Variants in DNAH14 observed in about 807,000 individuals in gnomAD.
DNAH14 encodes dynein axonemal heavy chain 14, also known as axonemal beta dynein heavy chain 14.
A neutral mutation model predicts 520.9 loss-of-function variants in DNAH14; 478 were observed. The observed-to-expected ratio is 0.92, with a 90% CI of 0.85 to 0.99. The LOEUF (loss-of-function observed/expected upper bound fraction) is 0.99. Ranked by LOEUF, DNAH14 falls within the 50% of genes least tolerant of loss-of-function variation. DNAH14 has a pLI of 0.00. For synonymous variants in DNAH14, 1,581 were observed against 1,757.2 expected (o/e 0.90, Z 2.51); for missense variants, 4,831 against 5,234.5 (o/e 0.92, Z 2.38).
chr1:225,040,192 G>A (rs1316394005), intron 12 of DNAH14, among the ~76,000 whole-genome samples: 2 of 151,974 alleles, frequency 1.3e-5, no homozygotes, highest in Non-Finnish European at 2.9e-5. Flanking sequence ...GCCCGCCTCG[G>A]CCTCCCGAAG....
chr1:225,044,221 A>T (rs992952311), intron 15 of DNAH14, among the ~76,000 whole-genome samples: 4 of 152,086 alleles, frequency 2.6e-5, no homozygotes, highest in Admixed American at 2.6e-4. Flanking sequence ...CAAGGTTTGG[A>T]TTTTTTCAGT....
rs1348095696 is a variant in DNAH14, at chr1:225,140,749, C to T, written c.4255-19C>T. On this transcript the variant is annotated intron_variant, in intron 27 of 85. Transcript: ENST00000682510. ...TATATAGAGAGAGATATATATATAA[C>T]ATTATCTTACTTTTTCAGAGCCAGA... The T allele has an allele frequency of 3.4e-6, 5 of 1,453,090 alleles. No homozygotes were observed. In the African/African-American group the frequency reaches 4.2e-5, roughly 12 times the overall value. 90.0% of individuals were successfully genotyped at this position (1,453,090 alleles called of 1,614,324 possible).
intron 7 of DNAH14, among the ~76,000 whole-genome samples, chr1:224,971,780 G>T (rs1156537929): frequency 6.6e-6 from 1 of 152,142 alleles, no homozygotes; most frequent in Admixed American, 6.5e-5. Flanking sequence ...GGTGTTCCTG[G>T]AATGAAGTTG....
At chr1:224,964,450 T>C in intron 4 of DNAH14, 29 bp from the exon 5 acceptor site, 3 of 1,583,730 alleles carry the variant, frequency 1.9e-6, no homozygotes, top group Non-Finnish European at 2.6e-6. Context: ...TTTGCACTTA[T>C]ACTGGATTTT....
At chr1:225,223,851 A>G (rs141880352) in intron 41 of DNAH14, among the ~76,000 whole-genome samples, 4,018 of 152,258 alleles carry the variant, frequency 0.026, 157 homozygotes, top group African/African-American at 0.08. Context: ...CTTTGCTCCC[A>G]AGTAGAAAAG....
intron 21 of DNAH14, among the ~76,000 whole-genome samples, chr1:225,087,303 ATAAC>A (rs2073931166): frequency 6.6e-6 from 1 of 152,216 alleles, no homozygotes; most frequent in Non-Finnish European, 1.5e-5. Context: ...AATTCCCACA[ATAAC>A]TAATCCACCC....
intron 54 of DNAH14, among the ~76,000 whole-genome samples, chr1:225,282,343 T>A (rs2093644924): frequency 6.6e-6 from 1 of 152,206 alleles, no homozygotes; most frequent in Non-Finnish European, 1.5e-5. Context: ...ATCAGGCCCC[T>A]TCTTCTATAC....
intron 76 of DNAH14, among the ~76,000 whole-genome samples, chr1:225,365,798 AG>A (rs1315883033): frequency 6.7e-6 from 1 of 150,248 alleles, no homozygotes; most frequent in Non-Finnish European, 1.5e-5. Flanking sequence ...TACTGGGGGT[AG>A]GGGAATGAAG....
intron 54 of DNAH14, among the ~76,000 whole-genome samples, chr1:225,287,308 T>A (rs945131265): frequency 2.0e-5 from 3 of 152,132 alleles, no homozygotes; most frequent in African/African-American, 7.2e-5. Flanking sequence ...TGACACAAAC[T>A]CACTGAAGAG....
At chr1:225,238,350 G>A (rs1015742649) in intron 42 of DNAH14, among the ~76,000 whole-genome samples, 1 of 151,862 alleles carries the variant, frequency 6.6e-6, no homozygotes, top group Non-Finnish European at 1.5e-5. Flanking sequence ...TTTTCTTTTA[G>A]AGTCAGACCA....
chr1:225,145,323 C>T lies in DNAH14; in HGVS notation c.4741-3C>T. ...AAGATACTAAAATATTTTTGTTTCC[C>T]AGTCCTTAGGCAAACATTGTGTGGT... On this transcript the variant is annotated splice_polypyrimidine_tract_variant and splice_region_variant and intron_variant, in intron 29 of 85. Transcript: ENST00000682510. The T allele has an allele frequency of 5.2e-6, 8 of 1,542,320 alleles. No homozygotes were observed. The highest frequency in any genetic ancestry group is 7.0e-6 in the Non-Finnish European group (8 of 1,142,980).
At chr1:224,968,484 G>A (rs1272336542) in intron 6 of DNAH14, among the ~76,000 whole-genome samples, 1 of 152,130 alleles carries the variant, frequency 6.6e-6, no homozygotes, top group Admixed American at 6.5e-5. Flanking sequence ...ACAGCTATTT[G>A]TGAAAAGTAT....
rs761365392 is a variant in DNAH14, at chr1:225,322,772, T to C, written c.9444T>C (p.Thr3148=). ...WATAKLLLSE[T]GFLKKLINLD... ...CGGCAAAGTTACTTCTTTCAGAAACTGGTTTCCTGAAAAAATTGATTAACC... is the reference window on the plus strand; with the variant it reads ...CGGCAAAGTTACTTCTTTCAGAAACCGGTTTCCTGAAAAAATTGATTAACC... Residue 3148 remains threonine, a synonymous_variant, in exon 62 of 86, where the codon ACT becomes ACC. Transcript: ENST00000682510. The C allele has an allele frequency of 9.0e-6, 14 of 1,551,770 alleles. No homozygotes were observed. The highest frequency in any genetic ancestry group is 1.4e-5 in the African/African-American group (1 of 73,052).
rs56337123 is a variant in DNAH14 at position 224,953,129 on chromosome 1, C to CT, written c.77+361dup. On this transcript the variant is annotated intron_variant, in intron 2 of 85. Transcript: ENST00000682510. ...TAGGTACATTAGATACATAGAAATA[C>CT]TTTTTTTTTTTGAAACAGAGTCTCA... is the stretch of plus-strand genomic sequence containing the variant. 275 of 151,310 alleles carry CT rather than the reference C, an allele frequency of 1.8e-3. 1 individual carries two copies. Among genetic ancestry groups the CT allele is most frequent in the South Asian group, 6.1e-3 (33 of 5,396 alleles). The allele number at this position is 151,310 out of a possible 1,614,324, so 9.4% of individuals were successfully genotyped here. A position where few individuals can be genotyped will look rare whatever the true frequency, so the allele number is the denominator to read the frequency against.
intron 72 of DNAH14, among the ~76,000 whole-genome samples, chr1:225,352,120 C>T (rs183452583): frequency 1.4e-4 from 22 of 152,226 alleles, no homozygotes; most frequent in African/African-American, 4.6e-4. Context: ...AGATTAAATA[C>T]ACCACACTAG....
At chr1:225,377,203 G>A (rs903647728) in intron 78 of DNAH14, 34 bp from the exon 79 acceptor site, 8 of 1,398,584 alleles carry the variant, frequency 5.7e-6, no homozygotes, top group Non-Finnish European at 7.5e-6. Flanking sequence ...TAGCAGGATT[G>A]AAGAAAAAAG....
At chr1:225,316,758 G>A (rs1383611454) in intron 60 of DNAH14, among the ~76,000 whole-genome samples, 1 of 152,162 alleles carries the variant, frequency 6.6e-6, no homozygotes, top group Non-Finnish European at 1.5e-5. Flanking sequence ...CTTCTGCGTT[G>A]ATCTCGCTGG....
intron 54 of DNAH14, among the ~76,000 whole-genome samples, chr1:225,289,029 T>G (rs2093808193): frequency 6.6e-6 from 1 of 152,148 alleles, no homozygotes; most frequent in Non-Finnish European, 1.5e-5. Context: ...ATAGCAGCAT[T>G]ATTCATAATC....
intron 43 of DNAH14, among the ~76,000 whole-genome samples, chr1:225,251,549 A>T (rs1450418097): frequency 6.6e-6 from 1 of 152,202 alleles, no homozygotes; most frequent in Non-Finnish European, 1.5e-5. Flanking sequence ...TCTTATGTAC[A>T]ACACTAAAAG....
Sources: allele counts gnomAD v4.1 joint callset (sites outside exome capture counted in the v4.1 genomes callset), GRCh38; gene constraint gnomAD v4.1.1; transcripts MANE v1.5; gene names NCBI Gene and HGNC (gene_info 2026-07-23, HGNC 2026-07-21).